The following ARID1B variants were observed in gnomAD, a reference collection of about 807,000 sequenced individuals.
The protein encoded by ARID1B is AT-rich interaction domain 1B.
Under a neutral mutation model 212.3 loss-of-function variants are expected in ARID1B, and 30 were observed. That is an observed-to-expected ratio of 0.14 (90% CI 0.11 to 0.19). The LOEUF is 0.19. Among genes scored for constraint, ARID1B ranks in the 10% least tolerant of loss-of-function variants. The pLI is 1.00. For synonymous variants in ARID1B, 1,402 were observed against 1,301.7 expected (o/e 1.08, Z -1.66); for missense variants, 2,891 against 3,204.0 (o/e 0.90, Z 2.36).
intron 5 of ARID1B, 144 bp downstream of exon 5, chr6:157,085,049 A>G: frequency 1.9e-6 from 2 of 1,051,084 alleles, no homozygotes; most frequent in South Asian, 3.6e-5. Flanking sequence ...AAGGCATACG[A>G]GAGTCCCAGT....
At chr6:156,896,598 AAAG>A (rs1340926125) in intron 2 of ARID1B, among the ~76,000 whole-genome samples, 16 of 148,944 alleles carry the variant, frequency 1.1e-4, no homozygotes, top group South Asian at 2.1e-4. Flanking sequence ...AAAAAAAAAA[AAAG>A]AGGACACAGT....
chr6:156,893,638 A>G (rs1365344552), intron 2 of ARID1B, among the ~76,000 whole-genome samples: 1 of 152,220 alleles, frequency 6.6e-6, no homozygotes, highest in Non-Finnish European at 1.5e-5. Context: ...ACATTTTTCC[A>G]AAGAAGATAT....
intron 1 of ARID1B, among the ~76,000 whole-genome samples, chr6:156,781,095 T>G (rs1779231125): frequency 6.6e-6 from 1 of 152,206 alleles, no homozygotes; most frequent in South Asian, 2.1e-4. Context: ...CAGTTCTGAC[T>G]GTTCAAAGAT....
chr6:157,044,799 G>A (rs2128538407), intron 4 of ARID1B, among the ~76,000 whole-genome samples: 1 of 151,674 alleles, frequency 6.6e-6, no homozygotes, highest in East Asian at 2.0e-4. Flanking sequence ...CATTTCTTCA[G>A]TTACACTGGC....
intron 4 of ARID1B, among the ~76,000 whole-genome samples, chr6:156,949,964 A>T (rs570907794): frequency 1.2e-4 from 17 of 147,814 alleles, no homozygotes; most frequent in African/African-American, 4.3e-4. Flanking sequence ...AATTATTTCT[A>T]ACTTGTGAAT....
At chr6:156,843,497 CAA>C (rs1360145611) in intron 2 of ARID1B, among the ~76,000 whole-genome samples, 1 of 151,906 alleles carries the variant, frequency 6.6e-6, no homozygotes, top group Admixed American at 6.6e-5. Flanking sequence ...GGACACTCTG[CAA>C]AGAGATATGC....
chr6:157,000,886 G>A (rs1778875543), intron 4 of ARID1B, among the ~76,000 whole-genome samples: 1 of 151,802 alleles, frequency 6.6e-6, no homozygotes. Flanking sequence ...GTGGAGATGG[G>A]GTTTCACTAC....
At chr6:157,006,066 G>A (rs1448557839) in intron 4 of ARID1B, among the ~76,000 whole-genome samples, 1 of 151,940 alleles carries the variant, frequency 6.6e-6, no homozygotes, top group African/African-American at 2.4e-5. Context: ...GAGAGATCCA[G>A]GCAAGATAGA....
intron 3 of ARID1B, among the ~76,000 whole-genome samples, chr6:156,931,159 A>C (rs980801731): frequency 8.8e-5 from 13 of 147,640 alleles, no homozygotes; most frequent in South Asian, 4.3e-4. Context: ...CCACTGCACT[A>C]CAGCCTGGAC....
intron 4 of ARID1B, among the ~76,000 whole-genome samples, chr6:157,039,642 CT>C (rs1781609217): frequency 8.2e-6 from 1 of 122,576 alleles, no homozygotes; most frequent in Non-Finnish European, 1.7e-5. Context: ...TCCTTCCTTC[CT>C]TCTTTCCTTC....
At chr6:157,098,876 T>C (rs1785854415) in intron 5 of ARID1B, among the ~76,000 whole-genome samples, 1 of 152,228 alleles carries the variant, frequency 6.6e-6, no homozygotes, top group Admixed American at 6.5e-5. Context: ...CCCACACCTT[T>C]CAGGCCACTT....
At chr6:156,935,614 T>C in intron 4 of ARID1B, 38 bp downstream of exon 4, 1 of 1,515,264 alleles carries the variant, frequency 6.6e-7, no homozygotes, top group Non-Finnish European at 9.1e-7. Flanking sequence ...ATGTAATGAG[T>C]TAAAGACTTT....
At chr6:156,921,301 AATTTT>A (rs1267211065) in intron 3 of ARID1B, among the ~76,000 whole-genome samples, 2 of 152,010 alleles carry the variant, frequency 1.3e-5, no homozygotes, top group Non-Finnish European at 2.9e-5. Context: ...TAAATAAATA[AATTTT>A]ATTTTAATTT....
At chr6:156,893,060 T>TTTTTTG (rs1268821728) in intron 2 of ARID1B, among the ~76,000 whole-genome samples, 3 of 137,700 alleles carry the variant, frequency 2.2e-5, no homozygotes, top group African/African-American at 5.5e-5. Flanking sequence ...TTTTTTTTTT[T>TTTTTTG]GAGATGGAGT....
chr6:156,785,176 A>G (rs748831321), intron 1 of ARID1B, among the ~76,000 whole-genome samples: 5 of 152,244 alleles, frequency 3.3e-5, no homozygotes, highest in Non-Finnish European at 7.3e-5. Context: ...TGATGAAATT[A>G]ACTTGTTTCT....
At chr6:157,198,618 A>G in intron 16 of ARID1B, 193 bp from the exon 17 acceptor site, 1 of 538,326 alleles carries the variant, frequency 1.9e-6, no homozygotes, top group Non-Finnish European at 3.3e-6. Context: ...ACCATTCCCA[A>G]AATGGGTGTT....
chr6:157,128,782 G>A (rs1788332765), intron 6 of ARID1B, among the ~76,000 whole-genome samples: 1 of 152,186 alleles, frequency 6.6e-6, no homozygotes, highest in Non-Finnish European at 1.5e-5. Flanking sequence ...AAAGACAGCT[G>A]TTTAACATGT....
At chr6:156,790,790 A>G (rs993131071) in intron 1 of ARID1B, among the ~76,000 whole-genome samples, 11 of 152,132 alleles carry the variant, frequency 7.2e-5, no homozygotes, top group Non-Finnish European at 1.3e-4. Flanking sequence ...TCTTTCACCC[A>G]TGTCTATTGT....
chr6:156,836,978 T>G (rs1374420447), intron 2 of ARID1B, among the ~76,000 whole-genome samples: 1 of 152,226 alleles, frequency 6.6e-6, no homozygotes, highest in African/African-American at 2.4e-5. Flanking sequence ...CATTAGATTT[T>G]AAAGTCTTGT....
Sources: allele counts gnomAD v4.1 joint callset (sites outside exome capture counted in the v4.1 genomes callset), GRCh38; gene constraint gnomAD v4.1.1; transcripts MANE v1.5; gene names NCBI Gene and HGNC (gene_info 2026-07-23, HGNC 2026-07-21).